Variants in CADPS observed in about 807,000 individuals in gnomAD.
CADPS encodes calcium-dependent secretion activator 1.
In CADPS, 57 loss-of-function variants were observed where a neutral mutation model predicts 167.3. The ratio of observed to expected loss-of-function variants is 0.34; its 90% confidence interval spans 0.28 to 0.42. The LOEUF is 0.42. Among genes scored for constraint, CADPS ranks in the 20% least tolerant of loss-of-function variants. The pLI, the probability that CADPS is intolerant of heterozygous loss-of-function variation, is 1.00. For missense variants in CADPS, 1,414 were observed against 1,738.1 expected (o/e 0.81, Z 3.32); for synonymous variants, 676 against 635.3 (o/e 1.06, Z -0.96).
intron 18 of CADPS, 136 bp from the exon 19 acceptor site, chr3:62,493,801 G>T (rs1436516227): frequency 4.3e-6 from 3 of 693,634 alleles, no homozygotes; most frequent in African/African-American, 1.8e-5. Context: ...GGAGAGGGGA[G>T]ATGCTGGCCT....
At chr3:62,648,312 T>C (rs2069057725) in intron 5 of CADPS, among the ~76,000 whole-genome samples, 3 of 152,180 alleles carry the variant, frequency 2.0e-5, no homozygotes, top group African/African-American at 2.4e-5. Flanking sequence ...CAGGTACACA[T>C]AGGAGTACGG....
chr3:62,871,916 T>C (rs2082701027), intron 1 of CADPS, among the ~76,000 whole-genome samples: 1 of 152,166 alleles, frequency 6.6e-6, no homozygotes, highest in Non-Finnish European at 1.5e-5. Context: ...TAAAATCTAT[T>C]CTTCAAAAAA....
At chr3:62,845,582 T>A (rs1480598501) in intron 1 of CADPS, among the ~76,000 whole-genome samples, 1 of 152,178 alleles carries the variant, frequency 6.6e-6, no homozygotes, top group Admixed American at 6.5e-5. Flanking sequence ...TTTGGAGGAT[T>A]TGGATTAAAT....
rs1410873611 is a variant in CADPS, at chr3:62,516,055, T to C, written c.2581+4A>G. 1.9e-6 allele frequency: 3 copies of C among 1,612,794 alleles called. No homozygotes were observed. The Admixed American group carries it at 5.0e-5, about 27-fold the overall frequency. On this transcript the variant is annotated splice_donor_region_variant and intron_variant, in intron 16 of 29. Coordinates refer to ENST00000383710, the MANE Select transcript of CADPS (RefSeq NM_003716.4). ...TCAAAACTGGGGGCAGAAGGGAGCC[T>C]TACCTTCGATTTTGGCATACTCTGA... is the stretch of plus-strand genomic sequence containing the variant.
chr3:62,593,321 T>C (rs2086490944), intron 6 of CADPS, among the ~76,000 whole-genome samples: 1 of 152,182 alleles, frequency 6.6e-6, no homozygotes, highest in Admixed American at 6.5e-5. Context: ...GAAATGCCAT[T>C]CCCTGCTCAT....
chr3:62,565,414 C>T (rs533542044), intron 9 of CADPS, among the ~76,000 whole-genome samples: 4 of 152,090 alleles, frequency 2.6e-5, no homozygotes, highest in Non-Finnish European at 5.9e-5. Flanking sequence ...TCACTTTAAG[C>T]GGGATAATGA....
intron 1 of CADPS, among the ~76,000 whole-genome samples, chr3:62,849,190 G>T (rs1401899081): frequency 6.7e-6 from 1 of 150,180 alleles, no homozygotes; most frequent in Non-Finnish European, 1.5e-5. Flanking sequence ...AGACAATGGG[G>T]TTTTCTAGAT....
In CADPS at chr3:62,753,400, T is replaced by C. The variant is rs2083152510; in HGVS notation, c.888+41A>G. 1 of 1,458,904 alleles carries C rather than the reference T, an allele frequency of 6.9e-7. No individual in the cohort carries two copies. The highest frequency in any genetic ancestry group is 9.4e-7 in the Non-Finnish European group (1 of 1,061,160). 90.4% of individuals were successfully genotyped at this position (1,458,904 alleles called of 1,614,324 possible). A position where few individuals can be genotyped will look rare whatever the true frequency, so the allele number is the denominator to read the frequency against. On this transcript the variant is annotated intron_variant, in intron 3 of 29. Coordinates refer to ENST00000383710, the MANE Select transcript of CADPS (RefSeq NM_003716.4). This position sits in a 1 kb window ranked among gnomAD's most constrained non-coding sequence, Gnocchi z 4.6. ...TCTCATAGAAGTTGGAATGCAGCTC[T>C]GCTTACCCACAGCTCTAGGCCCAGG...
At chr3:62,776,045 G>GA (rs1559564517) in intron 1 of CADPS, among the ~76,000 whole-genome samples, 2 of 152,244 alleles carry the variant, frequency 1.3e-5, no homozygotes, top group African/African-American at 2.4e-5. Context: ...AACATAGTGA[G>GA]AAAAAAGCAT....
intron 3 of CADPS, among the ~76,000 whole-genome samples, chr3:62,731,094 T>A (rs188210461): frequency 2.6e-5 from 4 of 152,226 alleles, no homozygotes; most frequent in Admixed American, 2.6e-4. Context: ...TCTTGGTGAG[T>A]GGGTGTTAAA....
At chr3:62,613,771 A>G (rs1254284926) in intron 6 of CADPS, among the ~76,000 whole-genome samples, 1 of 152,222 alleles carries the variant, frequency 6.6e-6, no homozygotes, top group East Asian at 1.9e-4. Flanking sequence ...GAAATCGGGT[A>G]AAACCGATAG....
chr3:62,739,528 C>T (rs3894958), intron 3 of CADPS, among the ~76,000 whole-genome samples: 60,795 of 152,018 alleles, frequency 0.4, 12,619 homozygotes, highest in African/African-American at 0.49. Flanking sequence ...AGGGCTTTGC[C>T]GCTTTCTAAT....
At chr3:62,665,063 A>C (rs1449393011) in intron 3 of CADPS, among the ~76,000 whole-genome samples, 1 of 152,186 alleles carries the variant, frequency 6.6e-6, no homozygotes, top group Non-Finnish European at 1.5e-5. Context: ...GGCATAAAGA[A>C]GAAAGGATTA....
At chr3:62,611,397 A>G (rs1351781035) in intron 6 of CADPS, among the ~76,000 whole-genome samples, 2 of 151,856 alleles carry the variant, frequency 1.3e-5, no homozygotes, top group Admixed American at 1.3e-4. Context: ...ACTTTCCATC[A>G]TTTCCTCCCT....
At chr3:62,731,835 A>AAAAAAAAAAAAAAAAGAAAGAAG (rs568495417) in intron 3 of CADPS, among the ~76,000 whole-genome samples, 1 of 110,242 alleles carries the variant, frequency 9.1e-6, no homozygotes, top group Non-Finnish European at 1.8e-5. Context: ...AAAAAAGTAA[A>AAAAAAAAAAAAAAAAGAAAGAAG]GAAGGAAGAA....
intron 3 of CADPS, among the ~76,000 whole-genome samples, chr3:62,711,099 T>C (rs1239873773): frequency 1.3e-5 from 2 of 152,180 alleles, no homozygotes; most frequent in Non-Finnish European, 1.5e-5. Context: ...CCTATTTAGC[T>C]TATAGACCTC....
intron 8 of CADPS, among the ~76,000 whole-genome samples, chr3:62,583,051 G>T (rs948718670): frequency 6.6e-6 from 1 of 152,036 alleles, no homozygotes; most frequent in African/African-American, 2.4e-5. Flanking sequence ...TTGAGGCACT[G>T]ATCATTTTTT....
At position 62,399,761 on chromosome 3, in the gene CADPS, CT is replaced by C. The variant is rs1434255018; in HGVS notation, c.3883-177del. Among the ~76,000 whole-genome samples the C allele has an allele frequency of 2.6e-5, 4 of 152,102 alleles. No homozygotes were observed. The highest frequency in any genetic ancestry group is 7.2e-5 in the African/African-American group (3 of 41,408). On this transcript the variant is annotated intron_variant, in intron 29 of 29. Transcript: ENST00000383710. This position sits in a 1 kb window ranked among gnomAD's most constrained non-coding sequence, Gnocchi z 5.6. ...TTCACTTGTATTGAAAACTGAGATC[CT>C]TTGAATGACAGAAAATGAGAAATAG...
chr3:62,441,859 C>A (rs969443452), intron 27 of CADPS, among the ~76,000 whole-genome samples: 2 of 152,120 alleles, frequency 1.3e-5, no homozygotes, highest in Non-Finnish European at 2.9e-5. Flanking sequence ...CAAAAGCTCC[C>A]TAGTTTCCAA....
Sources: gnomAD v4.1 joint callset for allele counts (sites outside exome capture counted in the v4.1 genomes callset) on GRCh38, gnomAD v4.1.1 for gene constraint, Gnocchi (gnomAD v3.1) non-coding constraint, MANE v1.5 for transcripts, NCBI Gene and HGNC (gene_info 2026-07-23, HGNC 2026-07-21) for gene names.